The following SPAG6 variants were observed in gnomAD, a reference collection of about 807,000 sequenced individuals.
The protein encoded by SPAG6 is sperm associated antigen 6.
SPAG6 carries 49 observed loss-of-function variants against 58.5 expected under a neutral mutation model. The ratio of observed to expected loss-of-function variants is 0.84; its 90% CI spans 0.67 to 1.06. The LOEUF is 1.06. Ranked by LOEUF, SPAG6 falls within the 50% of genes least tolerant of loss-of-function variation. The pLI is 0.00. For missense variants in SPAG6, 560 were observed against 611.3 expected, an observed-to-expected ratio of 0.92 and a Z score of 0.89; for synonymous variants, 233 against 225.6, an observed-to-expected ratio of 1.03 and a Z score of -0.29.
intron 3 of SPAG6, among the ~76,000 whole-genome samples, chr10:22,367,144 T>C (rs995205010): frequency 1.3e-5 from 2 of 152,188 alleles, no homozygotes; most frequent in Middle Eastern, 3.4e-3. Flanking sequence ...TAATAGTGAC[T>C]ATTGATACCC....
At position 22,348,238 on chromosome 10, in the gene SPAG6, C is replaced by T. The variant is rs1287465534; in HGVS notation, c.121+2420C>T. Among the ~76,000 whole-genome samples, 21 of 152,200 alleles carry T rather than the reference C, an allele frequency of 1.4e-4. 1 individual carries two copies. Among genetic ancestry groups the T allele is most frequent in the Admixed American group, 1.3e-3 (20 of 15,282 alleles). ...TCACTTGACCTTGTGATCCACCCGC[C>T]TTGGCCTCCCAAAGCACTGGGATTG... On this transcript the variant is annotated intron_variant, in intron 2 of 10. Coordinates refer to ENST00000376624, the MANE Select transcript of SPAG6 (RefSeq NM_012443.4).
intron 4 of SPAG6, among the ~76,000 whole-genome samples, chr10:22,384,775 A>G (rs538768208): frequency 2.0e-5 from 3 of 152,342 alleles, no homozygotes; most frequent in East Asian, 3.9e-4. Flanking sequence ...TTGGGCAACA[A>G]GTTAGAAGAA....
At position 22,368,693 on chromosome 10, in the gene SPAG6, G is replaced by T. The variant is rs372000925; in HGVS notation, c.472+15G>T. On this transcript the variant is annotated intron_variant, in intron 4 of 10. Transcript: ENST00000376624. ...ACATAATGCAGGTAATTTAAAATAT[G>T]CAGGAGCATATTTTAAAATAGGATT... 142 of 1,582,262 alleles carry T rather than the reference G, an allele frequency of 9.0e-5. 1 individual carries two copies. The African/African-American group carries it at 1.8e-3, about 20-fold the overall frequency.
chr10:22,405,485 G>A (rs1206345360), intron 9 of SPAG6, among the ~76,000 whole-genome samples: 3 of 149,536 alleles, frequency 2.0e-5, no homozygotes, highest in African/African-American at 7.4e-5. Flanking sequence ...CAGGGATGAA[G>A]CCCACTTGAT....
intron 4 of SPAG6, among the ~76,000 whole-genome samples, chr10:22,378,250 G>A (rs1170547): frequency 0.011 from 1,622 of 151,520 alleles, 24 homozygotes; most frequent in Middle Eastern, 0.027. Flanking sequence ...TTTTAGTAGA[G>A]ACGGGGTTTC....
At chr10:22,411,998 G>T (rs559812999) in intron 10 of SPAG6, among the ~76,000 whole-genome samples, 2 of 152,022 alleles carry the variant, frequency 1.3e-5, no homozygotes, top group South Asian at 4.2e-4. Context: ...ACAGACGCCC[G>T]CCATCACGCC....
chr10:22,397,010 A>G (rs986529844), intron 8 of SPAG6, among the ~76,000 whole-genome samples: 1 of 152,200 alleles, frequency 6.6e-6, no homozygotes, highest in Non-Finnish European at 1.5e-5. Flanking sequence ...GATTTACTGA[A>G]CTAGGTAAAT....
At chr10:22,382,340 T>C (rs1833975492) in intron 4 of SPAG6, among the ~76,000 whole-genome samples, 1 of 152,124 alleles carries the variant, frequency 6.6e-6, no homozygotes, top group African/African-American at 2.4e-5. Context: ...TTTATCTACA[T>C]ATATGCAATA....
At chr10:22,376,044 C>G (rs536011031) in intron 4 of SPAG6, among the ~76,000 whole-genome samples, 1 of 152,224 alleles carries the variant, frequency 6.6e-6, no homozygotes, top group African/African-American at 2.4e-5. Context: ...GAGGCTAGTG[C>G]ACATTGAGGA....
At chr10:22,407,904 A>G (rs1218250884) in intron 9 of SPAG6, among the ~76,000 whole-genome samples, 1 of 150,210 alleles carries the variant, frequency 6.7e-6, no homozygotes, top group African/African-American at 2.5e-5. Context: ...TCCATTGCTG[A>G]TACCCTTTCT....
intron 7 of SPAG6, among the ~76,000 whole-genome samples, 168 bp from the exon 8 acceptor site, chr10:22,391,561 T>C (rs1277783180): frequency 6.6e-6 from 1 of 152,206 alleles, no homozygotes; most frequent in East Asian, 1.9e-4. Flanking sequence ...GTTCTAGTCA[T>C]GTTATTGACT....
At chr10:22,413,688 G>GATATAT (rs59765652) in intron 10 of SPAG6, among the ~76,000 whole-genome samples, 22 of 141,642 alleles carry the variant, frequency 1.6e-4, no homozygotes, top group African/African-American at 6.0e-4. Flanking sequence ...TCAAATTTCT[G>GATATAT]ATATATATAT....
intron 2 of SPAG6, among the ~76,000 whole-genome samples, chr10:22,360,320 G>GTT (rs1204700157): frequency 2.2e-5 from 3 of 137,460 alleles, no homozygotes; most frequent in African/African-American, 2.7e-5. Context: ...GTTTTTGTTT[G>GTT]TTTTTTTTTT....
At chr10:22,372,088 G>A (rs1336595077) in intron 4 of SPAG6, among the ~76,000 whole-genome samples, 2 of 151,980 alleles carry the variant, frequency 1.3e-5, no homozygotes, top group African/African-American at 4.8e-5. Flanking sequence ...ATAGGCTTTC[G>A]TTTTTCTTAC....
Position 22,346,901 on chromosome 10 carries a change from T to C in SPAG6, c.121+1083T>C, listed in dbSNP as rs574334421. Among the ~76,000 whole-genome samples the C allele has an allele frequency of 5.9e-5, 9 of 152,336 alleles. No homozygotes were observed. In the South Asian group the frequency reaches 1.4e-3, roughly 25 times the overall value. ...GTAGATTCACAACTGTAAGGGATAA[T>C]ACAGAGAGATCCCGTGTACCCTTTT... On this transcript the variant is annotated intron_variant, in intron 2 of 10. Transcript: ENST00000376624.
intron 8 of SPAG6, among the ~76,000 whole-genome samples, chr10:22,397,577 A>C (rs1834326046): frequency 6.6e-6 from 1 of 152,214 alleles, no homozygotes; most frequent in Admixed American, 6.5e-5. Context: ...CGGCCTCCCA[A>C]AGTGGCTGGG....
intron 2 of SPAG6, among the ~76,000 whole-genome samples, chr10:22,351,066 C>T (rs1289135601): frequency 6.6e-6 from 1 of 152,110 alleles, no homozygotes; most frequent in African/African-American, 2.4e-5. Flanking sequence ...TCCTAATAAA[C>T]CTTGGTTTTA....
At position 22,386,899 on chromosome 10, in the gene SPAG6, G is replaced by A; in HGVS notation, c.618G>A (p.Val206=). 6.2e-7 allele frequency: 1 copy of A among 1,613,808 alleles called. No individual in the cohort carries two copies. The change falls in exon 5 of 11, where the codon GTG becomes GTA. Residue 206 remains valine (V), a synonymous_variant. Coordinates refer to ENST00000376624, the MANE Select transcript of SPAG6 (RefSeq NM_012443.4). Reference sequence around the variant, plus strand: ...CTCCAGAGTTAGCACAGACAGTAGTGGATGCAGGAGCTGTTGCTCATTTAG... The same window carrying A: ...CTCCAGAGTTAGCACAGACAGTAGTAGATGCAGGAGCTGTTGCTCATTTAG... ...KHSPELAQTV[V]DAGAVAHLAQ...
At chr10:22,409,036 A>C (rs952623009) in intron 9 of SPAG6, among the ~76,000 whole-genome samples, 4 of 152,102 alleles carry the variant, frequency 2.6e-5, no homozygotes, top group Admixed American at 2.0e-4. Flanking sequence ...GGCACTCCCT[A>C]GTGAGATGAA....
Sources: allele counts gnomAD v4.1 joint callset (sites outside exome capture counted in the v4.1 genomes callset), GRCh38; gene constraint gnomAD v4.1.1; transcripts MANE v1.5; gene names NCBI Gene and HGNC (gene_info 2026-07-23, HGNC 2026-07-21).